The following FAAH2 variants were observed in gnomAD, a reference collection of about 807,000 sequenced individuals.
FAAH2 encodes fatty-acid amide hydrolase 2.
In FAAH2, 60 loss-of-function variants were observed where a neutral mutation model predicts 36.9. That is an observed-to-expected ratio of 1.63 (90% CI 1.32 to 2.02). The LOEUF (loss-of-function observed/expected upper bound fraction) is 2.02, where lower values mean the gene tolerates loss of function less well. FAAH2 is among the 30% of genes most tolerant of loss of function. The pLI is 0.00. For synonymous variants in FAAH2, 214 were observed against 143.8 expected (o/e 1.49, Z -3.49); for missense variants, 689 against 397.5 (o/e 1.73, Z -6.23).
At position 57,348,724 on chromosome X, in the gene FAAH2, C is replaced by T. The variant is rs768370333; in HGVS notation, c.742+7334C>T. On this transcript the variant is annotated intron_variant, in intron 5 of 10. Coordinates refer to ENST00000374900, the MANE Select transcript of FAAH2 (RefSeq NM_174912.4). Reference sequence around the variant, plus strand: ...TATACAGAGATTTAACTGCTGCATGCGTCTTGAGCCAAAGCCAAAGGGCTC... The same window carrying T: ...TATACAGAGATTTAACTGCTGCATGTGTCTTGAGCCAAAGCCAAAGGGCTC... 1.1e-4 allele frequency among the ~76,000 whole-genome samples: 12 copies of T among 111,406 alleles called. No homozygotes were observed. In the East Asian group the frequency reaches 2.8e-3, roughly 26 times the overall value.
chrX:57,307,798 C>T (rs767505269), intron 2 of FAAH2, among the ~76,000 whole-genome samples: 57 of 110,895 alleles, frequency 5.1e-4, no homozygotes, highest in Middle Eastern at 4.2e-3. Flanking sequence ...CACACTTCCG[C>T]ATCTGTTAGT....
the FAAH2 span, among the ~76,000 whole-genome samples, chrX:57,233,414 T>C: frequency 8.9e-6 from 1 of 111,802 alleles, no homozygotes; most frequent in Non-Finnish European, 1.9e-5. Flanking sequence ...ATTTATAGCT[T>C]TACTAATACA....
the FAAH2 span, among the ~76,000 whole-genome samples, chrX:57,151,572 T>C: frequency 1.8e-5 from 2 of 112,250 alleles, no homozygotes; most frequent in Non-Finnish European, 3.8e-5. Context: ...GTCTTCTGCA[T>C]TGTTCATGTA....
chrX:57,151,380 C>T, the FAAH2 span, among the ~76,000 whole-genome samples: 27 of 111,401 alleles, frequency 2.4e-4, no homozygotes, highest in African/African-American at 7.5e-4. Flanking sequence ...CCATTCTCCC[C>T]GTCACTTTCA....
intron 10 of FAAH2, among the ~76,000 whole-genome samples, chrX:57,460,382 G>A (rs1181155329): frequency 4.5e-5 from 5 of 111,438 alleles, no homozygotes; most frequent in Non-Finnish European, 9.4e-5. Flanking sequence ...TGAAAGGCTG[G>A]AATAAATGTT....
chrX:57,479,035 G>A (rs1412219375), intron 10 of FAAH2, among the ~76,000 whole-genome samples: 1 of 111,432 alleles, frequency 9.0e-6, no homozygotes, highest in Non-Finnish European at 1.9e-5. Flanking sequence ...AAAGACATTG[G>A]TAGCTTGATG....
the FAAH2 span, among the ~76,000 whole-genome samples, chrX:57,181,298 T>C: frequency 3.3e-3 from 365 of 111,882 alleles, no homozygotes; most frequent in African/African-American, 0.011. Flanking sequence ...GAAGTGAAAG[T>C]ATTTCTGTTT....
chrX:57,161,924 G>A, the FAAH2 span, among the ~76,000 whole-genome samples: 1 of 111,507 alleles, frequency 9.0e-6, no homozygotes, highest in African/African-American at 3.3e-5. Context: ...TGGTTATTTT[G>A]CTCATTAGTT....
intron 5 of FAAH2, among the ~76,000 whole-genome samples, chrX:57,346,970 C>A (rs1399523782): frequency 9.0e-6 from 1 of 110,951 alleles, no homozygotes; most frequent in Non-Finnish European, 1.9e-5. Context: ...GTGACATGAC[C>A]TTTTCCCTTA....
chrX:57,444,251 C>T (rs2056625318), intron 8 of FAAH2, among the ~76,000 whole-genome samples: 1 of 112,277 alleles, frequency 8.9e-6, no homozygotes, highest in African/African-American at 3.2e-5. Context: ...CTGTGGTGGG[C>T]TCTATCCAGT....
At chrX:57,133,884 G>A in the FAAH2 span, among the ~76,000 whole-genome samples, 1 of 111,378 alleles carries the variant, frequency 9.0e-6, no homozygotes, top group Non-Finnish European at 1.9e-5. Context: ...GTCAGCCTCA[G>A]GCCATGTTGG....
chrX:57,200,121 C>T, the FAAH2 span, among the ~76,000 whole-genome samples: 2 of 109,141 alleles, frequency 1.8e-5, no homozygotes, highest in Non-Finnish European at 3.8e-5. Flanking sequence ...TTTACTCCTG[C>T]CATTTTGCTA....
At chrX:57,340,416 C>T (rs1029219812) in intron 4 of FAAH2, among the ~76,000 whole-genome samples, 4 of 111,499 alleles carry the variant, frequency 3.6e-5, no homozygotes, top group East Asian at 2.8e-4. Flanking sequence ...ATCAAGTTGA[C>T]GCTCAGTATT....
chrX:57,232,496 G>A, the FAAH2 span, among the ~76,000 whole-genome samples: 1 of 111,892 alleles, frequency 8.9e-6, no homozygotes, highest in Non-Finnish European at 1.9e-5. Context: ...AATTACGTAG[G>A]CTTTAATAAT....
the FAAH2 span, among the ~76,000 whole-genome samples, chrX:57,176,373 C>T: frequency 9.0e-6 from 1 of 110,671 alleles, no homozygotes; most frequent in Admixed American, 9.7e-5. Context: ...ATTGTTAAAA[C>T]TTTCCACTGC....
chrX:57,278,704 A>G, the FAAH2 span, among the ~76,000 whole-genome samples: 2 of 111,933 alleles, frequency 1.8e-5, no homozygotes, highest in Admixed American at 1.9e-4. Flanking sequence ...TTTGCAATCT[A>G]TCCACCTGAC....
the FAAH2 span, among the ~76,000 whole-genome samples, chrX:57,253,037 G>T: frequency 9.0e-6 from 1 of 111,625 alleles, no homozygotes; most frequent in Non-Finnish European, 1.9e-5. Context: ...AAGACGAATG[G>T]CTAACTAGAA....
intron 7 of FAAH2, among the ~76,000 whole-genome samples, chrX:57,386,933 C>G (rs926045771): frequency 3.6e-5 from 4 of 111,925 alleles, no homozygotes; most frequent in Non-Finnish European, 7.5e-5. Context: ...AAAAAAGAGA[C>G]AGATTGAAAT....
intron 4 of FAAH2, among the ~76,000 whole-genome samples, chrX:57,340,680 C>T (rs1029147754): frequency 9.0e-5 from 10 of 111,593 alleles, no homozygotes; most frequent in South Asian, 3.7e-4. Context: ...TCTCAGTAAA[C>T]GAATGCAGGG....
Sources: allele counts gnomAD v4.1 joint callset (sites outside exome capture counted in the v4.1 genomes callset), GRCh38; gene constraint gnomAD v4.1.1; transcripts MANE v1.5; gene names NCBI Gene and HGNC (gene_info 2026-07-23, HGNC 2026-07-21).